ANKS1B: variants seen among roughly 807,000 people sequenced by gnomAD.
ANKS1B encodes the protein ankyrin repeat and sterile alpha motif domain containing 1B.
In ANKS1B, 36 loss-of-function variants were observed where a neutral mutation model predicts 148.3. The observed-to-expected ratio is 0.24, with a 90% CI of 0.19 to 0.32. The LOEUF is 0.32. Ranked by LOEUF, ANKS1B falls within the 10% of genes least tolerant of loss-of-function variation. The probability of loss-of-function intolerance (pLI) is 1.00; values close to 1 mark genes in which losing one functional copy is unlikely to be tolerated. For missense variants in ANKS1B, 1,157 were observed against 1,542.6 expected, an observed-to-expected ratio of 0.75 and a Z score of 4.19; for synonymous variants, 542 against 560.8, an observed-to-expected ratio of 0.97 and a Z score of 0.47.
intron 14 of ANKS1B, among the ~76,000 whole-genome samples, chr12:99,180,596 G>A (rs1463781482): frequency 1.4e-5 from 2 of 146,106 alleles, no homozygotes; most frequent in Admixed American, 6.8e-5. Flanking sequence ...GCTAATGCCT[G>A]AAATTGGGGA....
At chr12:99,196,146 T>C (rs2081356633) in intron 14 of ANKS1B, among the ~76,000 whole-genome samples, 1 of 152,190 alleles carries the variant, frequency 6.6e-6, no homozygotes, top group South Asian at 2.1e-4. Context: ...ATTTTTGTCA[T>C]CTATTTATTC....
At chr12:99,811,738 A>G (rs1474997291) in intron 3 of ANKS1B, among the ~76,000 whole-genome samples, 1 of 151,906 alleles carries the variant, frequency 6.6e-6, no homozygotes, top group African/African-American at 2.4e-5. Flanking sequence ...AAGAGTACTT[A>G]ACCATGAAAG....
intron 4 of ANKS1B, among the ~76,000 whole-genome samples, chr12:99,790,917 C>T (rs112106300): frequency 6.6e-6 from 1 of 151,916 alleles, no homozygotes; most frequent in Non-Finnish European, 1.5e-5. Flanking sequence ...AGGAGTAAGT[C>T]CTTACTTATC....
chr12:99,918,425 T>C (rs769100716), intron 1 of ANKS1B, among the ~76,000 whole-genome samples: 1 of 152,200 alleles, frequency 6.6e-6, no homozygotes, highest in African/African-American at 2.4e-5. Context: ...AAACCCTTTA[T>C]TTTGGTGCCT....
chr12:99,120,473 A>T (rs1315371604), intron 15 of ANKS1B, among the ~76,000 whole-genome samples: 2 of 152,366 alleles, frequency 1.3e-5, no homozygotes, highest in Non-Finnish European at 2.9e-5. Context: ...TAATCAATAC[A>T]TAAGTAATGA....
At chr12:99,871,428 T>C (rs1342659858) in intron 1 of ANKS1B, among the ~76,000 whole-genome samples, 1 of 152,178 alleles carries the variant, frequency 6.6e-6, no homozygotes, top group Non-Finnish European at 1.5e-5. Flanking sequence ...TTTAGAATAG[T>C]CTTTTCTAAT....
intron 1 of ANKS1B, among the ~76,000 whole-genome samples, chr12:99,943,637 C>G (rs1250274840): frequency 6.6e-6 from 1 of 152,022 alleles, no homozygotes; most frequent in Non-Finnish European, 1.5e-5. Flanking sequence ...GAGACTTACT[C>G]ACTATCATGA....
intron 9 of ANKS1B, among the ~76,000 whole-genome samples, chr12:99,607,489 C>T (rs762460441): frequency 1.3e-5 from 2 of 151,884 alleles, no homozygotes; most frequent in Non-Finnish European, 2.9e-5. Context: ...GCAGAGGTAA[C>T]ATACCTGTTT....
At chr12:99,807,229 G>A (rs1240056248) in intron 3 of ANKS1B, among the ~76,000 whole-genome samples, 1 of 152,044 alleles carries the variant, frequency 6.6e-6, no homozygotes, top group Non-Finnish European at 1.5e-5. Context: ...AAAGATTTTG[G>A]CCTTAAGATA....
At chr12:99,800,623 T>C (rs2066834223) in intron 4 of ANKS1B, among the ~76,000 whole-genome samples, 1 of 152,026 alleles carries the variant, frequency 6.6e-6, no homozygotes, top group African/African-American at 2.4e-5. Flanking sequence ...ACCGTAAAAT[T>C]CTGGGCCAAA....
At chr12:99,007,493 G>A (rs1457236859) in intron 17 of ANKS1B, among the ~76,000 whole-genome samples, 3 of 152,136 alleles carry the variant, frequency 2.0e-5, no homozygotes, top group Non-Finnish European at 4.4e-5. Flanking sequence ...TTCCAACTCT[G>A]CTATGTCGAA....
chr12:98,869,699 G>T (rs566290425), intron 17 of ANKS1B, among the ~76,000 whole-genome samples: 1 of 40,652 alleles, frequency 2.5e-5, no homozygotes, highest in East Asian at 2.7e-3. Flanking sequence ...GTATGTGTGT[G>T]TATGTGTGTA....
chr12:98,872,915 C>T (rs1190108001), intron 17 of ANKS1B, among the ~76,000 whole-genome samples: 2 of 152,184 alleles, frequency 1.3e-5, no homozygotes, highest in African/African-American at 2.4e-5. Context: ...GCCTCTGTGC[C>T]TGTGTTTCAT....
Position 99,738,549 on chromosome 12 carries a change from AAT to A in ANKS1B, c.1128+34371_1128+34372del, listed in dbSNP as rs1273657440. ...TCTTTGAGAGTTTGCTTTCTAAATA[AAT>A]CTGACTGACTTCTAGATAAGATGAC... On this transcript the variant is annotated intron_variant, in intron 8 of 26. Transcript: ENST00000683438. 5.9e-5 allele frequency among the ~76,000 whole-genome samples: 9 copies of A among 152,242 alleles called. No individual in the cohort carries two copies. In the East Asian group the frequency reaches 1.5e-3, roughly 26 times the overall value.
chr12:99,181,223 T>A (rs1190975383), intron 14 of ANKS1B, among the ~76,000 whole-genome samples: 1 of 152,088 alleles, frequency 6.6e-6, no homozygotes, highest in East Asian at 1.9e-4. Flanking sequence ...ATCCTTGCGA[T>A]AAGTTAGGAA....
At chr12:98,794,210 G>C (rs1477218712) in intron 22 of ANKS1B, among the ~76,000 whole-genome samples, 5 of 151,786 alleles carry the variant, frequency 3.3e-5, no homozygotes, top group Non-Finnish European at 7.4e-5. Flanking sequence ...TGGCCAACAT[G>C]GTGAAACCCC....
intron 12 of ANKS1B, among the ~76,000 whole-genome samples, chr12:99,279,066 G>A (rs1237593394): frequency 6.6e-6 from 1 of 152,122 alleles, no homozygotes; most frequent in African/African-American, 2.4e-5. Context: ...CTGAAATGGT[G>A]TAGGCCCTCA....
chr12:99,833,168 T>C (rs1016427603), intron 1 of ANKS1B, among the ~76,000 whole-genome samples: 3 of 152,152 alleles, frequency 2.0e-5, no homozygotes, highest in Non-Finnish European at 2.9e-5. Context: ...GAAAAGACAA[T>C]AAACTACAAA....
At chr12:99,892,445 A>G (rs1352899460) in intron 1 of ANKS1B, among the ~76,000 whole-genome samples, 1 of 152,250 alleles carries the variant, frequency 6.6e-6, no homozygotes, top group Non-Finnish European at 1.5e-5. Context: ...GGGAATGAAG[A>G]CAACAGCAAC....
Sources: allele counts gnomAD v4.1 joint callset (sites outside exome capture counted in the v4.1 genomes callset), GRCh38; gene constraint gnomAD v4.1.1; transcripts MANE v1.5; gene names NCBI Gene and HGNC (gene_info 2026-07-23, HGNC 2026-07-21).